Variants in CHN2 observed in about 807,000 individuals in gnomAD.
CHN2 encodes beta-chimaerin.
A neutral mutation model predicts 56.3 loss-of-function variants in CHN2; 35 were observed. The ratio of observed to expected loss-of-function variants is 0.62; its 90% CI spans 0.47 to 0.82. The LOEUF is 0.82. Ranked by LOEUF, CHN2 falls within the 40% of genes least tolerant of loss-of-function variation. CHN2 has a pLI of 0.00. For missense variants in CHN2, 491 were observed against 580.5 expected, an observed-to-expected ratio of 0.85 and a Z score of 1.58; for synonymous variants, 210 against 212.8, an observed-to-expected ratio of 0.99 and a Z score of 0.12.
intron 4 of CHN2, among the ~76,000 whole-genome samples, chr7:29,394,319 T>A (rs10951219): frequency 0.44 from 66,726 of 152,112 alleles, 16,857 homozygotes; most frequent in East Asian, 0.58. Context: ...AGTCTAAGCC[T>A]ATGGTGTGTA....
chr7:29,244,246 G>T lies in CHN2; in HGVS notation c.49+49256G>T, dbSNP rs112247344. Reference sequence around the variant, plus strand: ...GTTGTAATTTTGATGAGCAGACAAGGTGGTATAGAGAACAGATAGAGGTGG... The same window carrying T: ...GTTGTAATTTTGATGAGCAGACAAGTTGGTATAGAGAACAGATAGAGGTGG... On this transcript the variant is annotated intron_variant, in intron 1 of 12. Coordinates refer to ENST00000222792, the MANE Select transcript of CHN2 (RefSeq NM_004067.4). 8.4e-3 allele frequency among the ~76,000 whole-genome samples: 1,274 copies of T among 152,288 alleles called. 17 individuals are homozygous for T. The highest frequency in any genetic ancestry group is 0.029 in the African/African-American group (1,196 of 41,560).
chr7:29,229,840 G>A (rs1006178520), intron 1 of CHN2, among the ~76,000 whole-genome samples: 26 of 152,138 alleles, frequency 1.7e-4, no homozygotes, highest in African/African-American at 5.3e-4. Flanking sequence ...AGGTGGGCAT[G>A]GTGGCATGTG....
At chr7:29,231,644 A>G (rs548340153) in intron 1 of CHN2, among the ~76,000 whole-genome samples, 9 of 152,304 alleles carry the variant, frequency 5.9e-5, no homozygotes, top group Middle Eastern at 3.4e-3. Context: ...TTGGGGGTGG[A>G]TGTTTTCCAA....
At chr7:29,160,452 T>C (rs769184442) in intron 2 of CHN2, among the ~76,000 whole-genome samples, 4 of 152,216 alleles carry the variant, frequency 2.6e-5, no homozygotes, top group Non-Finnish European at 5.9e-5. Flanking sequence ...AGTTGAGTCA[T>C]GTTTGACCCT....
At chr7:29,488,160 C>G (rs1404568843) in intron 7 of CHN2, among the ~76,000 whole-genome samples, 1 of 152,184 alleles carries the variant, frequency 6.6e-6, no homozygotes, top group Non-Finnish European at 1.5e-5. Context: ...GCCAGCCTTT[C>G]AGAGGGAACT....
At chr7:29,147,602 G>T (rs1034969722) in intron 2 of CHN2, among the ~76,000 whole-genome samples, 5 of 152,214 alleles carry the variant, frequency 3.3e-5, no homozygotes, top group Non-Finnish European at 7.3e-5. Flanking sequence ...CCAGCACAAA[G>T]TATGTGCTCA....
intron 6 of CHN2, among the ~76,000 whole-genome samples, chr7:29,405,225 C>T (rs1802555720): frequency 3.2e-5 from 2 of 63,372 alleles, no homozygotes; most frequent in African/African-American, 8.8e-5. Context: ...ACACACACGG[C>T]AGTTCCAACA....
At chr7:29,373,317 CA>C (rs1030143393) in intron 3 of CHN2, among the ~76,000 whole-genome samples, 2 of 151,998 alleles carry the variant, frequency 1.3e-5, no homozygotes, top group Non-Finnish European at 2.9e-5. Flanking sequence ...GCAGGGATTA[CA>C]GGTGTACCCC....
chr7:29,232,403 T>C (rs1015630609), intron 1 of CHN2, among the ~76,000 whole-genome samples: 2 of 152,214 alleles, frequency 1.3e-5, no homozygotes, highest in Non-Finnish European at 2.9e-5. Context: ...TCCTTTTACG[T>C]CTACAGCCAG....
At chr7:29,489,588 G>C (rs140555796) in intron 7 of CHN2, among the ~76,000 whole-genome samples, 1 of 152,182 alleles carries the variant, frequency 6.6e-6, no homozygotes, top group African/African-American at 2.4e-5. Context: ...CAATATATCG[G>C]TCGTGAAAAT....
Position 29,340,399 on chromosome 7 carries a change from TGG to T in CHN2, c.50-14218_50-14217del, listed in dbSNP as rs34872316. 4.9e-5 allele frequency among the ~76,000 whole-genome samples: 7 copies of T among 143,198 alleles called. 1 individual carries two copies. The South Asian group carries it at 1.2e-3, about 25-fold the overall frequency. 93.9% of individuals were successfully genotyped at this position (143,198 alleles called of 152,430 possible). A position where few individuals can be genotyped will look rare whatever the true frequency, so the allele number is the denominator to read the frequency against. On this transcript the variant is annotated intron_variant, in intron 1 of 12. Transcript: ENST00000222792. ...ACACTGCCTTCTGCAGGGGGTTGCTTGGGGGGGGGCCTCAATATTTAGCAGCC... is the reference window on the plus strand; with the variant it reads ...ACACTGCCTTCTGCAGGGGGTTGCTTGGGGGGGCCTCAATATTTAGCAGCC...
intron 1 of CHN2, among the ~76,000 whole-genome samples, chr7:29,347,699 G>A (rs7790185): frequency 0.24 from 35,870 of 152,054 alleles, 4,731 homozygotes; most frequent in Non-Finnish European, 0.3. Flanking sequence ...GCAGACCGAA[G>A]CCATATCATA....
intron 2 of CHN2, among the ~76,000 whole-genome samples, chr7:29,185,206 G>C (rs540025246): frequency 4.6e-4 from 70 of 152,252 alleles, no homozygotes; most frequent in Non-Finnish European, 7.5e-4. Flanking sequence ...AGAAATGATA[G>C]AGTAGATTTG....
chr7:29,262,360 C>T (rs1789624906), intron 1 of CHN2, among the ~76,000 whole-genome samples: 1 of 152,140 alleles, frequency 6.6e-6, no homozygotes, highest in Non-Finnish European at 1.5e-5. Flanking sequence ...AAGTGTTAAC[C>T]TTGCTTTGTG....
In CHN2 at chr7:29,194,823, C is replaced by G; in HGVS notation, c.-119C>G. The G allele has an allele frequency of 1.1e-6, 1 of 875,836 alleles. No homozygotes were observed. The highest frequency in any genetic ancestry group is 1.6e-6 in the Non-Finnish European group (1 of 641,038). 54.3% of individuals were successfully genotyped at this position (875,836 alleles called of 1,614,324 possible). ...AGTCCGGAGGCTGGTGCTTTCTGCG[C>G]GTCCCCAGGACTTTGCCATGGGCTG... is the stretch of plus-strand genomic sequence containing the variant. On this transcript the variant is annotated 5_prime_UTR_variant, in exon 1 of 13. Coordinates refer to ENST00000222792, the MANE Select transcript of CHN2 (RefSeq NM_004067.4).
intron 1 of CHN2, among the ~76,000 whole-genome samples, chr7:29,220,927 T>C (rs556673453): frequency 6.6e-6 from 1 of 152,218 alleles, no homozygotes; most frequent in Non-Finnish European, 1.5e-5. Flanking sequence ...GAATATGTCA[T>C]GATCAGATGG....
intron 6 of CHN2, among the ~76,000 whole-genome samples, chr7:29,437,597 C>CAAAAAAAAAAA (rs11436612): frequency 3.8e-5 from 2 of 52,624 alleles, no homozygotes; most frequent in Non-Finnish European, 7.4e-5. Flanking sequence ...GACTCCGTCT[C>CAAAAAAAAAAA]AAAAAAAAAA....
chr7:29,458,462 C>T (rs1585464889), intron 6 of CHN2, among the ~76,000 whole-genome samples: 1 of 152,016 alleles, frequency 6.6e-6, no homozygotes, highest in Admixed American at 6.6e-5. Context: ...GTTAGCTGCC[C>T]TACCTCTGTT....
chr7:29,189,241 C>T (rs908587727), intron 2 of CHN2, among the ~76,000 whole-genome samples: 1 of 152,144 alleles, frequency 6.6e-6, no homozygotes, highest in South Asian at 2.1e-4. Context: ...TGTGAGCCAC[C>T]GCGCCCAGCC....
Sources: gnomAD v4.1 joint callset for allele counts (sites outside exome capture counted in the v4.1 genomes callset) on GRCh38, gnomAD v4.1.1 for gene constraint, MANE v1.5 for transcripts, NCBI Gene and HGNC (gene_info 2026-07-23, HGNC 2026-07-21) for gene names.